AMOTL1: variants seen among roughly 807,000 people sequenced by gnomAD.
AMOTL1 encodes the protein angiomotin like 1.
Under a neutral mutation model 102.9 loss-of-function variants are expected in AMOTL1, and 45 were observed. The ratio of observed to expected loss-of-function variants is 0.44; its 90% CI spans 0.34 to 0.56. The LOEUF (loss-of-function observed/expected upper bound fraction) is 0.56. Among genes scored for constraint, AMOTL1 ranks in the 20% least tolerant of loss-of-function variants. AMOTL1 has a pLI of 0.01. For missense variants in AMOTL1, 1,114 were observed against 1,225.6 expected (o/e 0.91, Z 1.36); for synonymous variants, 481 against 484.7 (o/e 0.99, Z 0.10).
At chr11:94,771,677 T>A (rs558500371) in intron 1 of AMOTL1, among the ~76,000 whole-genome samples, 67 of 152,286 alleles carry the variant, frequency 4.4e-4, no homozygotes, top group African/African-American at 1.5e-3. Flanking sequence ...TGTGTTGGCA[T>A]CAAGCTGAGT....
At chr11:94,768,252 C>A (rs1157895105), upstream of AMOTL1, 13 of 1,204,462 alleles carry the variant, frequency 1.1e-5, no homozygotes, top group African/African-American at 1.8e-4. Flanking sequence ...TAGGGCCCAG[C>A]GGCCGGGCGC....
chr11:94,725,196 T>A (rs1950236834), intron 1 of AMOTL1, among the ~76,000 whole-genome samples: 1 of 151,974 alleles, frequency 6.6e-6, no homozygotes, highest in Non-Finnish European at 1.5e-5. Context: ...GGGACTCCAG[T>A]GGCATGCTGG....
rs574151866 is a variant in AMOTL1 at position 94,762,075 on chromosome 11, C to G, written c.136+21087C>G. Among the ~76,000 whole-genome samples the G allele has an allele frequency of 7.2e-5, 11 of 152,158 alleles. No individual in the cohort carries two copies. In the South Asian group the frequency reaches 2.3e-3, roughly 32 times the overall value. ...TTGTTTTAGAAACTCAGTATGATTC[C>G]AGTTTTAGAAACAAAAATGTGTCTA... is the stretch of plus-strand genomic sequence containing the variant. On this transcript the variant is annotated intron_variant, in intron 3 of 4. Coordinates refer to the AMOTL1 transcript ENST00000299004.
intron 9 of AMOTL1, among the ~76,000 whole-genome samples, chr11:94,864,244 C>T (rs957945644): frequency 2.1e-5 from 3 of 139,796 alleles, no homozygotes; most frequent in African/African-American, 5.5e-5. Flanking sequence ...GAAACACCAA[C>T]AAATACAATA....
At chr11:94,818,309 T>A (rs1951802379) in intron 3 of AMOTL1, among the ~76,000 whole-genome samples, 1 of 152,208 alleles carries the variant, frequency 6.6e-6, no homozygotes. Context: ...GTAAAGAATG[T>A]CACTTTCTGA....
chr11:94,765,947 A>G (rs536411513), upstream of AMOTL1, among the ~76,000 whole-genome samples: 2 of 152,292 alleles, frequency 1.3e-5, no homozygotes, highest in East Asian at 1.9e-4. Flanking sequence ...GTCACTCAGC[A>G]TCTTTCTCAA....
At chr11:94,847,282 C>T (rs1952435189) in intron 6 of AMOTL1, among the ~76,000 whole-genome samples, 1 of 152,086 alleles carries the variant, frequency 6.6e-6, no homozygotes, top group South Asian at 2.1e-4. Context: ...TGTAAGCGAG[C>T]AGTGGGTTTG....
intron 6 of AMOTL1, among the ~76,000 whole-genome samples, chr11:94,842,912 T>G (rs1351069273): frequency 1.3e-5 from 2 of 152,162 alleles, no homozygotes; most frequent in African/African-American, 4.8e-5. Flanking sequence ...CCTTATTACA[T>G]AACTCATTTA....
chr11:94,794,476 A>G (rs1345856616), intron 1 of AMOTL1, among the ~76,000 whole-genome samples: 1 of 152,244 alleles, frequency 6.6e-6, no homozygotes, highest in Non-Finnish European at 1.5e-5. Flanking sequence ...CCATTGCCCC[A>G]GCTCCACACT....
chr11:94,839,244 G>A (rs1445629458), intron 6 of AMOTL1, among the ~76,000 whole-genome samples: 2 of 152,230 alleles, frequency 1.3e-5, no homozygotes, highest in African/African-American at 4.8e-5. Flanking sequence ...AGGCCAGACC[G>A]GCTGTGGTCA....
chr11:94,729,647 G>A (rs539605230), intron 2 of AMOTL1, among the ~76,000 whole-genome samples: 13 of 152,142 alleles, frequency 8.5e-5, no homozygotes, highest in East Asian at 3.9e-4. Context: ...CTAAGAGTCC[G>A]CTCCCTCCTC....
rs146932459 is a variant in AMOTL1 at position 94,817,750 on chromosome 11, A to G, written c.1122-3780A>G. 5.8e-4 allele frequency among the ~76,000 whole-genome samples: 89 copies of G among 152,336 alleles called. 1 individual carries two copies. Among genetic ancestry groups the G allele is most frequent in the African/African-American group, 2.1e-3 (87 of 41,574 alleles). On this transcript the variant is annotated intron_variant, in intron 3 of 12. Transcript: ENST00000433060. ...TTGTTCTTGAATGCAGGTTTCTGAT[A>G]ACTTTGGAGACTGTGACACTAGAAT...
In AMOTL1 at chr11:94,748,920, A is replaced by T. The variant is rs556072213; in HGVS notation, c.136+7932A>T. Among the ~76,000 whole-genome samples, 5 of 152,322 alleles carry T rather than the reference A, an allele frequency of 3.3e-5. No homozygotes were observed. In the South Asian group the frequency reaches 1.0e-3, roughly 32 times the overall value. ...TGATTCTGCTGCACATAACTATAGA[A>T]TGGCCTTCTCTTATAGCATCTTGTC... On this transcript the variant is annotated intron_variant, in intron 3 of 4. Transcript: ENST00000299004.
At chr11:94,717,032 C>T (rs777482207) in intron 1 of AMOTL1, among the ~76,000 whole-genome samples, 3 of 151,936 alleles carry the variant, frequency 2.0e-5, no homozygotes, top group Non-Finnish European at 2.9e-5. Context: ...TTTTTCAATG[C>T]TATGCCTGTT....
chr11:94,726,165 TA>T (rs1448577454), intron 1 of AMOTL1, among the ~76,000 whole-genome samples: 1 of 152,172 alleles, frequency 6.6e-6, no homozygotes, highest in Non-Finnish European at 1.5e-5. Flanking sequence ...GATGGACCCA[TA>T]AAAGAAGAGG....
intron 2 of AMOTL1, among the ~76,000 whole-genome samples, chr11:94,797,790 C>T (rs368079609): frequency 1.6e-4 from 25 of 152,280 alleles, no homozygotes; most frequent in South Asian, 1.2e-3. Context: ...GGAGCTTAAA[C>T]GCCAAAGGAT....
chr11:94,794,638 C>T (rs1951334213), intron 1 of AMOTL1, among the ~76,000 whole-genome samples: 1 of 152,244 alleles, frequency 6.6e-6, no homozygotes, highest in African/African-American at 2.4e-5. Context: ...AGTGGCCTCC[C>T]TGCTTCCCTC....
chr11:94,868,957 CAAAA>C (rs546762415), intron 11 of AMOTL1, among the ~76,000 whole-genome samples: 1 of 143,520 alleles, frequency 7.0e-6, no homozygotes, highest in East Asian at 2.0e-4. Context: ...AAAAAAAAAA[CAAAA>C]AAAACACACA....
chr11:94,768,469 C>T lies in AMOTL1; in HGVS notation c.-43C>T, dbSNP rs1219815443. 2 of 1,564,960 alleles carry T rather than the reference C, an allele frequency of 1.3e-6. No homozygotes were observed. The highest frequency in any genetic ancestry group is 1.9e-5 in the Admixed American group (1 of 52,964). ...GCCACTTCCCCGCGCTGCCCGGCAG[C>T]CGTCTTCCCCAGCCGAGGGACTGAA... On this transcript the variant is annotated 5_prime_UTR_variant, in exon 1 of 13. Coordinates refer to ENST00000433060, the MANE Select transcript of AMOTL1 (RefSeq NM_130847.3).
Sources: gnomAD v4.1 joint callset for allele counts (sites outside exome capture counted in the v4.1 genomes callset) on GRCh38, gnomAD v4.1.1 for gene constraint, MANE v1.5 for transcripts, NCBI Gene and HGNC (gene_info 2026-07-23, HGNC 2026-07-21) for gene names.